The following FGGY variants were observed in gnomAD, a reference collection of about 807,000 sequenced individuals.
FGGY encodes the protein FGGY carbohydrate kinase domain-containing protein.
FGGY carries 72 observed loss-of-function variants against 71.3 expected under a neutral mutation model. The ratio of observed to expected loss-of-function variants is 1.01; its 90% CI spans 0.84 to 1.23. The LOEUF is 1.23. Ranked by LOEUF, FGGY falls within the 50% of genes most tolerant of loss-of-function variation. The pLI is 0.00. For missense variants in FGGY, 668 were observed against 682.3 expected, an observed-to-expected ratio of 0.98 and a Z score of 0.23; for synonymous variants, 251 against 250.3, an observed-to-expected ratio of 1.00 and a Z score of -0.02.
intron 3 of FGGY, among the ~76,000 whole-genome samples, chr1:59,345,968 G>T (rs2051795582): frequency 6.6e-6 from 1 of 152,160 alleles, no homozygotes; most frequent in Admixed American, 6.6e-5. Context: ...ATTTGAGAGA[G>T]AATACTTGAT....
intron 7 of FGGY, among the ~76,000 whole-genome samples, chr1:59,515,775 A>T (rs1033129578): frequency 1.3e-5 from 2 of 151,896 alleles, no homozygotes; most frequent in African/African-American, 4.8e-5. Context: ...TGATTATGAG[A>T]CCTCCCAGCC....
intron 10 of FGGY, among the ~76,000 whole-genome samples, chr1:59,630,336 T>C (rs949694151): frequency 2.8e-4 from 42 of 152,056 alleles, no homozygotes; most frequent in African/African-American, 9.9e-4. Flanking sequence ...GGAGGAAGTT[T>C]GGTGGTGGTT....
At chr1:59,584,196 G>T (rs373106965) in intron 8 of FGGY, among the ~76,000 whole-genome samples, 1 of 146,722 alleles carries the variant, frequency 6.8e-6, no homozygotes, top group Non-Finnish European at 1.5e-5. Context: ...CCAAAGCCTG[G>T]CAGAGACACA....
intron 12 of FGGY, among the ~76,000 whole-genome samples, chr1:59,663,456 T>C (rs2097296243): frequency 1.3e-5 from 2 of 152,082 alleles, no homozygotes; most frequent in Non-Finnish European, 2.9e-5. Context: ...CTGGTAAGAG[T>C]ACTGCAGCAG....
intron 5 of FGGY, among the ~76,000 whole-genome samples, chr1:59,399,967 A>T (rs1270736504): frequency 6.6e-6 from 1 of 152,160 alleles, no homozygotes; most frequent in Non-Finnish European, 1.5e-5. Flanking sequence ...CTTGGCCTCA[A>T]AGTTTTGCTT....
At chr1:59,740,413 C>T (rs1348383128) in intron 14 of FGGY, among the ~76,000 whole-genome samples, 3 of 152,180 alleles carry the variant, frequency 2.0e-5, no homozygotes, top group Non-Finnish European at 4.4e-5. Context: ...ATTAAATCTC[C>T]CAGCTTTCTT....
In FGGY at chr1:59,664,614, T is replaced by G. The variant is rs77251448; in HGVS notation, c.1297-2669T>G. ...TTCTCCCATTCCATACAGACTGTAT[T>G]GCTTAGTCAAATTATATATCTCCTA... On this transcript the variant is annotated intron_variant, in intron 12 of 15. Coordinates refer to ENST00000303721, the MANE Select transcript of FGGY (RefSeq NM_018291.5). 1.2e-3 allele frequency among the ~76,000 whole-genome samples: 178 copies of G among 152,374 alleles called. 4 individuals carry two copies. The East Asian group carries it at 0.024, about 21-fold the overall frequency.
chr1:59,393,689 A>G (rs951788927), intron 5 of FGGY, among the ~76,000 whole-genome samples: 2 of 151,770 alleles, frequency 1.3e-5, no homozygotes, highest in South Asian at 2.1e-4. Flanking sequence ...GTAGTTTTCT[A>G]TTTCAGGAAA....
intron 1 of FGGY, 96 bp from the exon 2 acceptor site, chr1:59,321,440 A>T: frequency 9.3e-7 from 1 of 1,071,972 alleles, no homozygotes; most frequent in Non-Finnish European, 1.4e-6. Flanking sequence ...CCGGTTAGGT[A>T]GCGGTACCTC....
rs186791430 is a variant in FGGY, at chr1:59,712,240, A to G, written c.1512+38107A>G. The stretch of plus-strand genomic sequence containing the variant: ...TGTGTCTCACATCCAGGTCACACTC[A>G]TGCAAGATGTAGGTTCCCATCATCT... On this transcript the variant is annotated intron_variant, in intron 14 of 15. Transcript: ENST00000303721. Among the ~76,000 whole-genome samples, 103 of 152,254 alleles carry G rather than the reference A, an allele frequency of 6.8e-4. 1 individual carries two copies. Among genetic ancestry groups the G allele is most frequent in the African/African-American group, 2.4e-3 (100 of 41,516 alleles).
chr1:59,728,911 T>C (rs917158108), intron 14 of FGGY, among the ~76,000 whole-genome samples: 11 of 152,080 alleles, frequency 7.2e-5, no homozygotes, highest in African/African-American at 2.7e-4. Flanking sequence ...TCTGGATCTA[T>C]TGTTTGGTGT....
chr1:59,514,295 G>A (rs2094586524), intron 7 of FGGY, among the ~76,000 whole-genome samples: 1 of 152,164 alleles, frequency 6.6e-6, no homozygotes, highest in Non-Finnish European at 1.5e-5. Context: ...ACCGGCATAT[G>A]CTGAAAGAAA....
intron 7 of FGGY, among the ~76,000 whole-genome samples, chr1:59,526,629 A>G (rs1389062474): frequency 6.6e-6 from 1 of 152,250 alleles, no homozygotes; most frequent in African/African-American, 2.4e-5. Context: ...TAGAAAGTGA[A>G]AACTTGGATA....
chr1:59,493,342 C>T lies in FGGY; in HGVS notation c.671-18969C>T, dbSNP rs566540315. Among the ~76,000 whole-genome samples, 10 of 152,152 alleles carry T rather than the reference C, an allele frequency of 6.6e-5. No homozygotes were observed. The East Asian group carries it at 1.5e-3, about 23-fold the overall frequency. ...ACTCAAATACATGTTTGTTCACCCACGTTAATAAAAGCATCATTCACAATA... is the reference window on the plus strand; with the variant it reads ...ACTCAAATACATGTTTGTTCACCCATGTTAATAAAAGCATCATTCACAATA... On this transcript the variant is annotated intron_variant, in intron 6 of 15. Coordinates refer to ENST00000303721, the MANE Select transcript of FGGY (RefSeq NM_018291.5).
chr1:59,406,115 A>G (rs2062697475), intron 5 of FGGY, among the ~76,000 whole-genome samples: 1 of 150,866 alleles, frequency 6.6e-6, no homozygotes, highest in African/African-American at 2.4e-5. Flanking sequence ...TAGACAGTTG[A>G]TTCTTCATTA....
chr1:59,317,942 A>T (rs1019021952), intron 1 of FGGY, among the ~76,000 whole-genome samples: 22 of 152,202 alleles, frequency 1.4e-4, no homozygotes, highest in Admixed American at 1.4e-3. Flanking sequence ...CAGTCTCTGA[A>T]GATGAACAGC....
intron 8 of FGGY, among the ~76,000 whole-genome samples, chr1:59,568,464 C>CGGG (rs56724590): frequency 3.1e-3 from 183 of 59,310 alleles, no homozygotes; most frequent in African/African-American, 8.0e-3. Context: ...GTCGGGGGGG[C>CGGG]GGGGGGGGGT....
chr1:59,606,793 A>G (rs1003367830), intron 8 of FGGY, among the ~76,000 whole-genome samples: 2 of 152,174 alleles, frequency 1.3e-5, no homozygotes, highest in African/African-American at 2.4e-5. Flanking sequence ...CTATCTTTGT[A>G]TAATCTTTAG....
chr1:59,482,761 G>A (rs2093533901), intron 6 of FGGY, among the ~76,000 whole-genome samples: 1 of 151,826 alleles, frequency 6.6e-6, no homozygotes, highest in South Asian at 2.1e-4. Context: ...AGCTCAGAGA[G>A]GTGAAATAAC....
Sources: gnomAD v4.1 joint callset for allele counts (sites outside exome capture counted in the v4.1 genomes callset) on GRCh38, gnomAD v4.1.1 for gene constraint, MANE v1.5 for transcripts, NCBI Gene and HGNC (gene_info 2026-07-23, HGNC 2026-07-21) for gene names.